BLZF1: variants seen among roughly 807,000 people sequenced by gnomAD.
The protein encoded by BLZF1 is basic leucine zipper nuclear factor 1.
In BLZF1, 39 loss-of-function variants were observed where a neutral mutation model predicts 43.8. The observed-to-expected ratio is 0.89, with a 90% CI of 0.69 to 1.16. The LOEUF is 1.16. Among genes scored for constraint, BLZF1 ranks in the 50% most tolerant of loss-of-function variants. The probability of loss-of-function intolerance (pLI) is 0.00; values close to 1 mark genes in which losing one functional copy is unlikely to be tolerated. For missense variants in BLZF1, 449 were observed against 469.8 expected (o/e 0.96, Z 0.41); for synonymous variants, 136 against 159.4 (o/e 0.85, Z 1.11).
chr1:169,379,718 C>T (rs950505196), intron 4 of BLZF1, among the ~76,000 whole-genome samples: 6 of 151,838 alleles, frequency 4.0e-5, no homozygotes, highest in African/African-American at 1.5e-4. Flanking sequence ...GCCGATTAAC[C>T]ATACTTGAAC....
chr1:169,396,373 G>A (rs1655035638), exon 8 of BLZF1: 1 of 152,172 alleles, frequency 6.6e-6, no homozygotes, highest in African/African-American at 2.4e-5. Flanking sequence ...GAGCAACATG[G>A]TGAGACCCCA....
chr1:169,392,871 T>C (rs1357864649), downstream of BLZF1, among the ~76,000 whole-genome samples: 3 of 152,230 alleles, frequency 2.0e-5, no homozygotes, highest in Admixed American at 6.5e-5. Context: ...ACCGAGAGCA[T>C]GGAAGTTCCA....
chr1:169,372,574 T>C (rs1003596337), intron 2 of BLZF1, among the ~76,000 whole-genome samples: 3 of 152,082 alleles, frequency 2.0e-5, no homozygotes, highest in Admixed American at 1.3e-4. Context: ...AAATATATAC[T>C]ACCATGTTTG....
chr1:169,387,136 C>A lies in BLZF1; in HGVS notation c.1157C>A (p.Thr386Asn). ...FHPYTRYENI[T>N]FNCCNHCRGE... Reference sequence around the variant, plus strand: ...CCCTATACTAGATATGAAAATATAACTTTCAATTGCTGCAATCACTGCCGG... The same window carrying A: ...CCCTATACTAGATATGAAAATATAAATTTCAATTGCTGCAATCACTGCCGG... Residue 386 changes from threonine (T) to asparagine (N), a missense_variant, in exon 7 of 7, where the codon ACT becomes AAT. Thr to Asn is a moderately conservative substitution (Grantham distance 65, BLOSUM62 0). Transcript: ENST00000367808. The A allele has an allele frequency of 6.2e-7, 1 of 1,613,212 alleles. No individual in the cohort carries two copies. The highest frequency in any genetic ancestry group is 1.1e-5 in the South Asian group (1 of 90,914).
chr1:169,377,580 T>C (rs1417911231), intron 3 of BLZF1, among the ~76,000 whole-genome samples: 1 of 152,062 alleles, frequency 6.6e-6, no homozygotes, highest in Non-Finnish European at 1.5e-5. Context: ...AAATAACTAA[T>C]TTCTCATTAC....
downstream of BLZF1, among the ~76,000 whole-genome samples, chr1:169,393,045 G>A (rs1411810382): frequency 6.6e-6 from 1 of 152,150 alleles, no homozygotes; most frequent in African/African-American, 2.4e-5. Flanking sequence ...TGCAATTGAT[G>A]TCTGAAGTGG....
In BLZF1 at chr1:169,378,501, G is replaced by A. The variant is rs773746728; in HGVS notation, c.640G>A (p.Val214Ile). 2.5e-6 allele frequency: 4 copies of A among 1,612,328 alleles called. No homozygotes were observed. Among genetic ancestry groups the A allele is most frequent in the Non-Finnish European group, 3.4e-6 (4 of 1,178,856 alleles). The change falls in exon 4 of 7, where the codon GTA becomes ATA. Residue 214 changes from valine to isoleucine, a missense_variant. Val to Ile is a conservative substitution (Grantham distance 29). Transcript: ENST00000367808. ...AGAACGTATGTCAATACAGTGTGATGTATGGCGAAGTAAATTCCTTGCAAG... is the reference window on the plus strand; with the variant it reads ...AGAACGTATGTCAATACAGTGTGATATATGGCGAAGTAAATTCCTTGCAAG... ...QLERMSIQCD[V>I]WRSKFLASRV...
chr1:169,369,438 A>T (rs1219537084), intron 1 of BLZF1, 35 bp from the exon 2 acceptor site: 2 of 1,161,228 alleles, frequency 1.7e-6, no homozygotes, highest in Non-Finnish European at 2.5e-6. Context: ...TTTATATGAT[A>T]TTTTTAAAAT....
chr1:169,388,483 A>G (rs1196378448), downstream of BLZF1, among the ~76,000 whole-genome samples: 2 of 152,252 alleles, frequency 1.3e-5, no homozygotes, highest in African/African-American at 4.8e-5. Flanking sequence ...TTTCTTGAAT[A>G]TGACAACAGA....
chr1:169,389,684 CA>C (rs1654771972), downstream of BLZF1, among the ~76,000 whole-genome samples: 1 of 152,092 alleles, frequency 6.6e-6, no homozygotes, highest in Non-Finnish European at 1.5e-5. Flanking sequence ...TCACAATAGC[CA>C]AAAGGTGGAT....
chr1:169,386,446 G>T (rs1038125486), intron 6 of BLZF1, among the ~76,000 whole-genome samples: 2 of 152,004 alleles, frequency 1.3e-5, no homozygotes, highest in Non-Finnish European at 2.9e-5. Flanking sequence ...CTGGGGGGCC[G>T]AGGCAGGCAG....
chr1:169,392,802 C>T (rs555173262), downstream of BLZF1, among the ~76,000 whole-genome samples: 5 of 152,016 alleles, frequency 3.3e-5, no homozygotes, highest in Non-Finnish European at 5.9e-5. Flanking sequence ...ATAATGAAGC[C>T]CCTCCATAAA....
intron 1 of BLZF1, among the ~76,000 whole-genome samples, chr1:169,369,080 A>ATG (rs201305312): frequency 2.6e-5 from 4 of 151,940 alleles, no homozygotes; most frequent in African/African-American, 7.2e-5. Context: ...CCTTTTTGAT[A>ATG]TGTGTGTGTG....
intron 2 of BLZF1, among the ~76,000 whole-genome samples, chr1:169,371,218 G>A (rs1016508936): frequency 6.6e-6 from 1 of 152,158 alleles, no homozygotes; most frequent in African/African-American, 2.4e-5. Context: ...ATAAACTGGG[G>A]ATTAATGGGA....
intron 6 of BLZF1, among the ~76,000 whole-genome samples, chr1:169,384,628 C>T (rs984884290): frequency 1.3e-5 from 2 of 152,132 alleles, no homozygotes; most frequent in African/African-American, 4.8e-5. Flanking sequence ...GCACATAGGC[C>T]ATTGTATCTC....
rs1031498764 is a variant in BLZF1 at position 169,388,174 on chromosome 1, G to C, written c.*992G>C. The C allele has an allele frequency of 6.6e-6, 1 of 152,062 alleles. No homozygotes were observed. Among genetic ancestry groups the C allele is most frequent in the African/African-American group, 2.4e-5 (1 of 41,404 alleles). The allele number at this position is 152,062 out of a possible 1,614,324, so 9.4% of individuals were successfully genotyped here. ...AATTATACAAATTTGTTGCAGAAGT[G>C]CCTGTGAGAGAAATCTTCAAAAGAC... On this transcript the variant is annotated 3_prime_UTR_variant, in exon 7 of 7. Coordinates refer to ENST00000367808, the MANE Select transcript of BLZF1 (RefSeq NM_001320973.2).
downstream of BLZF1, among the ~76,000 whole-genome samples, chr1:169,389,110 A>G (rs1654754762): frequency 6.7e-6 from 1 of 148,524 alleles, no homozygotes. Context: ...TGACGGAGCG[A>G]AACTCTGTCT....
chr1:169,374,360 TCTC>T (rs1654227332), intron 2 of BLZF1, among the ~76,000 whole-genome samples: 1 of 152,116 alleles, frequency 6.6e-6, no homozygotes, highest in East Asian at 1.9e-4. Context: ...CAGTGGAAGT[TCTC>T]CTTGTCAGTG....
chr1:169,376,739 T>A lies in BLZF1; in HGVS notation c.228T>A (p.Val76=), dbSNP rs368115641. ...TGCTCACTGAAAAAGCAATGGAAGT[T>A]AAAGCTGTAAGAATATTAGTTCCCA... is the stretch of plus-strand genomic sequence containing the variant. ...GKMLTEKAME[V]KAVRILVPKA... The change falls in exon 3 of 7, where the codon GTT becomes GTA. Residue 76 remains valine (V), a synonymous_variant. Coordinates refer to ENST00000367808, the MANE Select transcript of BLZF1 (RefSeq NM_001320973.2). 4 of 1,613,288 alleles carry A rather than the reference T, an allele frequency of 2.5e-6. No homozygotes were observed. Among genetic ancestry groups the A allele is most frequent in the East Asian group, 2.2e-5 (1 of 44,854 alleles).
Sources: allele counts gnomAD v4.1 joint callset (sites outside exome capture counted in the v4.1 genomes callset), GRCh38; gene constraint gnomAD v4.1.1; transcripts MANE v1.5; gene names NCBI Gene and HGNC (gene_info 2026-07-23, HGNC 2026-07-21).